The following OPA3 variants were observed in gnomAD, a reference collection of about 807,000 sequenced individuals.
OPA3 encodes optic atrophy 3 protein.
Under a neutral mutation model 4.0 loss-of-function variants are expected in OPA3, and 6 were observed. The ratio of observed to expected loss-of-function variants is 1.51; its 90% CI spans 0.83 to 2.99. The LOEUF is 2.99. OPA3 is among the 30% of genes most tolerant of loss of function. OPA3 has a pLI of 0.00. For synonymous variants in OPA3, 105 were observed against 117.1 expected, an observed-to-expected ratio of 0.90 and a Z score of 0.67; for missense variants, 235 against 256.2, an observed-to-expected ratio of 0.92 and a Z score of 0.56.
intron 1 of OPA3, among the ~76,000 whole-genome samples, chr19:45,569,847 C>T (rs1039575903): frequency 3.3e-5 from 5 of 152,132 alleles, no homozygotes; most frequent in African/African-American, 9.7e-5. Context: ...GAGATGGAGT[C>T]CTCAGGTTCC....
At chr19:45,556,044 A>G (rs1309334663) in intron 1 of OPA3, among the ~76,000 whole-genome samples, 2 of 152,234 alleles carry the variant, frequency 1.3e-5, no homozygotes, top group South Asian at 2.1e-4. Context: ...TGTCAGTATC[A>G]TAACACACCA....
At chr19:45,563,747 G>A (rs1167718495) in intron 1 of OPA3, among the ~76,000 whole-genome samples, 1 of 151,598 alleles carries the variant, frequency 6.6e-6, no homozygotes, top group Non-Finnish European at 1.5e-5. Context: ...GTAGAGATGG[G>A]GTTTCACCAT....
At chr19:45,554,461 G>A (rs966463873) in intron 1 of OPA3, among the ~76,000 whole-genome samples, 7 of 152,092 alleles carry the variant, frequency 4.6e-5, no homozygotes, top group Non-Finnish European at 5.9e-5. Flanking sequence ...AGCCCTGAAG[G>A]TGCAGCTAAG....
chr19:45,541,409 C>T (rs138480109), downstream of OPA3, among the ~76,000 whole-genome samples: 1 of 152,062 alleles, frequency 6.6e-6, no homozygotes, highest in African/African-American at 2.4e-5. Flanking sequence ...ACAGAGTCAC[C>T]CCTCATTTAA....
At chr19:45,576,229 C>CAA (rs1315507632) in intron 1 of OPA3, among the ~76,000 whole-genome samples, 2 of 149,184 alleles carry the variant, frequency 1.3e-5, no homozygotes, top group Non-Finnish European at 3.0e-5. Flanking sequence ...TCTCAAAAAA[C>CAA]AAAACAAAAC....
rs190583213 is a variant in OPA3, at chr19:45,549,097, G to A, written c.*4417C>T. 950 of 984,472 alleles carry A rather than the reference G, an allele frequency of 9.6e-4. 3 individuals are homozygous for A. In the African/African-American group the frequency reaches 0.01, roughly 10 times the overall value. 61.0% of individuals were successfully genotyped at this position (984,472 alleles called of 1,614,324 possible). A position where few individuals can be genotyped will look rare whatever the true frequency, so the allele number is the denominator to read the frequency against. ...TAGGATTACAGGTGTGAGCCACTGCGCCCAGTCCCAAGGACTTTTTAAATA... is the reference window on the plus strand; with the variant it reads ...TAGGATTACAGGTGTGAGCCACTGCACCCAGTCCCAAGGACTTTTTAAATA... On this transcript the variant is annotated 3_prime_UTR_variant, in exon 2 of 2. Coordinates refer to ENST00000263275, the MANE Select transcript of OPA3 (RefSeq NM_025136.4).
Position 45,549,054 on chromosome 19 carries a change from C to A in OPA3, c.*4460G>T. On this transcript the variant is annotated 3_prime_UTR_variant, in exon 2 of 2. Coordinates refer to ENST00000263275, the MANE Select transcript of OPA3 (RefSeq NM_025136.4). ...TCCTGACCTCAGGTGATCCACCCAC[C>A]CTGGCCTCCCAAAGTGCTAGGATTA... The A allele has an allele frequency of 2.2e-6, 2 of 914,180 alleles. No individual in the cohort carries two copies. The highest frequency in any genetic ancestry group is 5.0e-5 in the South Asian group (1 of 19,858). The allele number at this position is 914,180 out of a possible 1,614,324, so 56.6% of individuals were successfully genotyped here.
intron 1 of OPA3, among the ~76,000 whole-genome samples, chr19:45,572,668 TGA>T (rs1468727895): frequency 1.4e-5 from 2 of 140,060 alleles, no homozygotes; most frequent in African/African-American, 2.6e-5. Flanking sequence ...TATATCTATA[TGA>T]GATATATATC....
chr19:45,529,883 G>A (rs1969040293), intron 1 of OPA3, among the ~76,000 whole-genome samples: 1 of 151,656 alleles, frequency 6.6e-6, no homozygotes, highest in African/African-American at 2.4e-5. Context: ...ACGTGTGCGC[G>A]CCATCATGCC....
At chr19:45,528,741 G>C in exon 2 of OPA3, 2 of 335,756 alleles carry the variant, frequency 6.0e-6, no homozygotes, top group South Asian at 1.5e-4. Flanking sequence ...TAGCGGTAGG[G>C]AGGTGGGGTC....
chr19:45,575,338 A>T (rs1314951841), intron 1 of OPA3, among the ~76,000 whole-genome samples: 1 of 151,882 alleles, frequency 6.6e-6, no homozygotes, highest in Non-Finnish European at 1.5e-5. Flanking sequence ...TGATCCACCC[A>T]CCTCAACCTC....
At chr19:45,559,387 C>CTTTTTTTTT (rs1482357153) in intron 1 of OPA3, among the ~76,000 whole-genome samples, 1 of 108,348 alleles carries the variant, frequency 9.2e-6, no homozygotes, top group African/African-American at 3.9e-5. Flanking sequence ...TTCTTTCCCT[C>CTTTTTTTTT]TTTTTCTTTC....
chr19:45,559,693 G>A (rs1190444975), intron 1 of OPA3, among the ~76,000 whole-genome samples: 5 of 151,958 alleles, frequency 3.3e-5, no homozygotes, highest in Non-Finnish European at 7.4e-5. Context: ...GTGAGCCACC[G>A]CACCTGGCCC....
chr19:45,562,331 G>A (rs145061425), intron 1 of OPA3, among the ~76,000 whole-genome samples: 1,266 of 113,512 alleles, frequency 0.011, 25 homozygotes, highest in African/African-American at 0.042. Context: ...GTGATACAGT[G>A]AGACTCCATC....
intron 1 of OPA3, among the ~76,000 whole-genome samples, chr19:45,581,416 C>T (rs1969853856): frequency 6.6e-6 from 1 of 152,166 alleles, no homozygotes; most frequent in African/African-American, 2.4e-5. Flanking sequence ...CCCTTCAGGT[C>T]CCAATTCAGA....
chr19:45,563,260 C>T (rs969877303), intron 1 of OPA3, among the ~76,000 whole-genome samples: 2 of 152,098 alleles, frequency 1.3e-5, no homozygotes, highest in African/African-American at 4.8e-5. Context: ...CCCAGGTTCA[C>T]ACCGTTCTCC....
At chr19:45,578,356 G>T (rs1456249249) in intron 1 of OPA3, among the ~76,000 whole-genome samples, 1 of 152,084 alleles carries the variant, frequency 6.6e-6, no homozygotes, top group Non-Finnish European at 1.5e-5. Flanking sequence ...TGGATCAGCT[G>T]GCCCCACCCA....
At chr19:45,557,044 T>TGA (rs1321837222) in intron 1 of OPA3, among the ~76,000 whole-genome samples, 15 of 152,168 alleles carry the variant, frequency 9.9e-5, no homozygotes, top group Admixed American at 9.8e-4. Context: ...TGTCACTGCC[T>TGA]CCTTCATGTC....
rs1296545866 is a variant in OPA3, at chr19:45,546,362, G to A, written c.*7152C>T. On this transcript the variant is annotated 3_prime_UTR_variant, in exon 2 of 2. Transcript: ENST00000263275. ...CACTACATATAATAGATGATGTTAT[G>A]TTACACATGACATAAAATATATATT... is the stretch of plus-strand genomic sequence containing the variant. 2 of 668,398 alleles carry A rather than the reference G, an allele frequency of 3.0e-6. No homozygotes were observed. Among genetic ancestry groups the A allele is most frequent in the African/African-American group, 3.9e-5 (2 of 50,926 alleles). 41.4% of individuals were successfully genotyped at this position (668,398 alleles called of 1,614,324 possible). A position where few individuals can be genotyped will look rare whatever the true frequency, so the allele number is the denominator to read the frequency against.
Sources: allele counts gnomAD v4.1 joint callset (sites outside exome capture counted in the v4.1 genomes callset), GRCh38; gene constraint gnomAD v4.1.1; transcripts MANE v1.5; gene names NCBI Gene and HGNC (gene_info 2026-07-23, HGNC 2026-07-21).